The following TPCN1 variants were observed in gnomAD, a reference collection of about 807,000 sequenced individuals.
TPCN1 encodes two pore segment channel 1.
A neutral mutation model predicts 108.8 loss-of-function variants in TPCN1; 52 were observed. The observed-to-expected ratio is 0.48, with a 90% CI of 0.38 to 0.60. The LOEUF is 0.60. Ranked by LOEUF, TPCN1 falls within the 20% of genes least tolerant of loss-of-function variation. TPCN1 has a pLI of 0.00. For synonymous variants in TPCN1, 446 were observed against 433.7 expected, an observed-to-expected ratio of 1.03 and a Z score of -0.35; for missense variants, 806 against 1,072.8, an observed-to-expected ratio of 0.75 and a Z score of 3.47.
At chr12:113,278,434 G>A (rs538820436) in intron 13 of TPCN1, among the ~76,000 whole-genome samples, 197 bp downstream of exon 13, 3 of 152,152 alleles carry the variant, frequency 2.0e-5, no homozygotes, top group Non-Finnish European at 4.4e-5. Flanking sequence ...CAGTGTCATC[G>A]TTAACAGCAC....
chr12:113,232,352 TCATG>T lies in TPCN1; in HGVS notation c.112+5391_112+5394del, dbSNP rs751286671. On this transcript the variant is annotated intron_variant, in intron 2 of 27. Coordinates refer to ENST00000335509, the MANE Select transcript of TPCN1 (RefSeq NM_017901.6). The surrounding 1 kb of genome is among the most constrained non-coding windows in gnomAD (Gnocchi z 5.6). ...CACCCTGGTCCCCTTTTCAGGGTCTTCATGCAGCCAGGGCGAGTTGGCACCAGGC... is the reference window on the plus strand; with the variant it reads ...CACCCTGGTCCCCTTTTCAGGGTCTTCAGCCAGGGCGAGTTGGCACCAGGC... Among the ~76,000 whole-genome samples the T allele has an allele frequency of 7.2e-5, 11 of 152,214 alleles. No homozygotes were observed. Among genetic ancestry groups the T allele is most frequent in the Admixed American group, 3.9e-4 (6 of 15,290 alleles).
Position 113,291,968 on chromosome 12 carries a change from G to T in TPCN1, c.2113+10G>T. ...AACCAGGACTCGGAAGGTCTGTGCA[G>T]GGATGATGCCTTGGGCATTTGATAT... On this transcript the variant is annotated intron_variant, in intron 25 of 27. Transcript: ENST00000335509. 1 of 1,613,400 alleles carries T rather than the reference G, an allele frequency of 6.2e-7. No individual in the cohort carries two copies. Among genetic ancestry groups the T allele is most frequent in the South Asian group, 1.1e-5 (1 of 91,070 alleles).
chr12:113,238,746 G>A (rs906962330), intron 2 of TPCN1, among the ~76,000 whole-genome samples: 8 of 152,140 alleles, frequency 5.3e-5, no homozygotes, highest in South Asian at 4.1e-4. Context: ...CCCCAGCACC[G>A]GGATGTGATC....
In TPCN1 at chr12:113,273,317, G is replaced by C. The variant is rs755738113; in HGVS notation, c.842+27G>C. On this transcript the variant is annotated intron_variant, in intron 9 of 27. Transcript: ENST00000335509. This position sits in a 1 kb window ranked among gnomAD's most constrained non-coding sequence, Gnocchi z 4.0. ...TAAGTGCAGGCTCTGCCTTGCCTTTGGTCCTCTGCTGCCGCCCTGGGGTCT... is the reference window on the plus strand; with the variant it reads ...TAAGTGCAGGCTCTGCCTTGCCTTTCGTCCTCTGCTGCCGCCCTGGGGTCT... 6.2e-7 allele frequency: 1 copy of C among 1,612,460 alleles called. No individual in the cohort carries two copies. Among genetic ancestry groups the C allele is most frequent in the Non-Finnish European group, 8.5e-7 (1 of 1,178,458 alleles).
At chr12:113,251,139 CAA>C (rs11386008) in intron 2 of TPCN1, among the ~76,000 whole-genome samples, 1 of 142,404 alleles carries the variant, frequency 7.0e-6, no homozygotes, top group African/African-American at 2.6e-5. Context: ...CCCATCTCTA[CAA>C]AAAAAAAAAA....
chr12:113,267,547 C>T (rs377092324), intron 4 of TPCN1, among the ~76,000 whole-genome samples: 14 of 151,952 alleles, frequency 9.2e-5, no homozygotes, highest in African/African-American at 2.9e-4. Context: ...TACAGGTGTG[C>T]GCCACCACGC....
At chr12:113,222,367 A>C (rs117370447) in intron 1 of TPCN1, among the ~76,000 whole-genome samples, 12 of 152,336 alleles carry the variant, frequency 7.9e-5, no homozygotes, top group Non-Finnish European at 1.6e-4. Context: ...TGGGGATATT[A>C]GCTAAGATAG....
rs1443523821 is a variant in TPCN1, at chr12:113,272,011, C to G, written c.749-647C>G. Among the ~76,000 whole-genome samples the G allele has an allele frequency of 6.6e-6, 1 of 152,230 alleles. No homozygotes were observed. The highest frequency in any genetic ancestry group is 1.5e-5 in the Non-Finnish European group (1 of 68,040). ...CTGACTCTGAGGCTAGAGCCAGGGC[C>G]AACCCCTCCCGGCCCTCGTGACTGC... On this transcript the variant is annotated intron_variant, in intron 7 of 27. Coordinates refer to ENST00000335509, the MANE Select transcript of TPCN1 (RefSeq NM_017901.6). The surrounding 1 kb of genome is among the most constrained non-coding windows in gnomAD (Gnocchi z 4.1).
Position 113,238,196 on chromosome 12 carries a change from G to A in TPCN1, c.112+11232G>A, listed in dbSNP as rs553627102. ...CCGGTATTGAGGAATTGGCATCTTG[G>A]AATACAGCTTGGGTATTTGGATGAC... On this transcript the variant is annotated intron_variant, in intron 2 of 27. Transcript: ENST00000335509. Among the ~76,000 whole-genome samples, 21 of 152,308 alleles carry A rather than the reference G, an allele frequency of 1.4e-4. No individual in the cohort carries two copies. The South Asian group carries it at 1.5e-3, about 11-fold the overall frequency.
In TPCN1 at chr12:113,272,826, A is replaced by G; in HGVS notation, c.783+134A>G. Reference sequence around the variant, plus strand: ...GTTTCTCATCATAGCTTGTGTGTGCATTGCACCTGGGAGTTCCCATCACTC... The same window carrying G: ...GTTTCTCATCATAGCTTGTGTGTGCGTTGCACCTGGGAGTTCCCATCACTC... On this transcript the variant is annotated intron_variant, in intron 8 of 27. Transcript: ENST00000335509. The surrounding 1 kb of genome is among the most constrained non-coding windows in gnomAD (Gnocchi z 4.1). The G allele has an allele frequency of 3.4e-6, 3 of 878,164 alleles. No homozygotes were observed. The highest frequency in any genetic ancestry group is 5.8e-6 in the Non-Finnish European group (3 of 517,868). The allele number at this position is 878,164 out of a possible 1,614,324, so 54.4% of individuals were successfully genotyped here.
chr12:113,253,406 T>A (rs1463384288), intron 2 of TPCN1, among the ~76,000 whole-genome samples: 1 of 152,208 alleles, frequency 6.6e-6, no homozygotes, highest in Non-Finnish European at 1.5e-5. Context: ...ATAGCAACAT[T>A]TATTTTGCTT....
At position 113,288,250 on chromosome 12, in the gene TPCN1, A is replaced by T; in HGVS notation, c.1706+16A>T. ...GGATGGCCAGGTACTGCCAGCCCCC[A>T]CCCTGGCCTGCAGGTCCAGGTGCCG... is the stretch of plus-strand genomic sequence containing the variant. On this transcript the variant is annotated intron_variant, in intron 20 of 27. Coordinates refer to ENST00000335509, the MANE Select transcript of TPCN1 (RefSeq NM_017901.6). The surrounding 1 kb of genome is among the most constrained non-coding windows in gnomAD (Gnocchi z 4.8). 6.2e-7 allele frequency: 1 copy of T among 1,613,342 alleles called. No homozygotes were observed. Among genetic ancestry groups the T allele is most frequent in the Non-Finnish European group, 8.5e-7 (1 of 1,179,866 alleles).
At chr12:113,244,694 C>T in intron 2 of TPCN1, 1 of 985,376 alleles carries the variant, frequency 1.0e-6, no homozygotes, top group Non-Finnish European at 1.2e-6. Context: ...GGGGCGGTTG[C>T]TCGTTGTCAT....
rs535474742 is a variant in TPCN1 at position 113,272,523 on chromosome 12, T to C, written c.749-135T>C. 14 of 812,642 alleles carry C rather than the reference T, an allele frequency of 1.7e-5. No homozygotes were observed. The highest frequency in any genetic ancestry group is 2.2e-5 in the Non-Finnish European group (10 of 461,484). The allele number at this position is 812,642 out of a possible 1,614,324, so 50.3% of individuals were successfully genotyped here. A position where few individuals can be genotyped will look rare whatever the true frequency, so the allele number is the denominator to read the frequency against. On this transcript the variant is annotated intron_variant, in intron 7 of 27. Transcript: ENST00000335509. This position sits in a 1 kb window ranked among gnomAD's most constrained non-coding sequence, Gnocchi z 4.1. ...AACAGAGCATGTGTTCTCAGGGTGCTGTGGTCCCCAGCAGTCCCTGCTGCT... is the reference window on the plus strand; with the variant it reads ...AACAGAGCATGTGTTCTCAGGGTGCCGTGGTCCCCAGCAGTCCCTGCTGCT...
intron 2 of TPCN1, among the ~76,000 whole-genome samples, chr12:113,233,157 T>C (rs1953752502): frequency 6.6e-6 from 1 of 152,208 alleles, no homozygotes; most frequent in African/African-American, 2.4e-5. Flanking sequence ...GGGGATCCTG[T>C]CTGTTGCCTC....
chr12:113,255,602 C>T lies in TPCN1; in HGVS notation c.113-4766C>T, dbSNP rs7303144. On this transcript the variant is annotated intron_variant, in intron 2 of 27. Transcript: ENST00000335509. The stretch of plus-strand genomic sequence containing the variant: ...GTGCAGTGGCGCAATCTCAGCTCAC[C>T]GCAACCTCCACCTCCTGGGCTCAAG... Among the ~76,000 whole-genome samples, 647 of 152,038 alleles carry T rather than the reference C, an allele frequency of 4.3e-3. 4 individuals carry two copies. The highest frequency in any genetic ancestry group is 0.014 in the African/African-American group (593 of 41,486).
At chr12:113,294,012 A>G (rs1956352693) in intron 27 of TPCN1, 1 of 152,688 alleles carries the variant, frequency 6.5e-6, no homozygotes, top group African/African-American at 2.4e-5. Context: ...TAATTTTTGT[A>G]TATTTAGTGG....
intron 2 of TPCN1, among the ~76,000 whole-genome samples, chr12:113,234,948 C>T (rs961025423): frequency 6.6e-6 from 1 of 152,126 alleles, no homozygotes; most frequent in Non-Finnish European, 1.5e-5. Flanking sequence ...GTAGGCTGCC[C>T]CTGCTCTCTC....
intron 18 of TPCN1, among the ~76,000 whole-genome samples, chr12:113,286,397 C>G (rs1956074371): frequency 7.8e-6 from 1 of 128,656 alleles, no homozygotes; most frequent in South Asian, 2.5e-4. Flanking sequence ...CCTGTGAAGT[C>G]AGGCTGCACT....
Sources: allele counts gnomAD v4.1 joint callset (sites outside exome capture counted in the v4.1 genomes callset), GRCh38; gene constraint gnomAD v4.1.1; non-coding constraint Gnocchi (gnomAD v3.1); transcripts MANE v1.5; gene names NCBI Gene and HGNC (gene_info 2026-07-23, HGNC 2026-07-21).